Variants in SAMD11 observed in about 807,000 individuals in gnomAD.
SAMD11 encodes the protein sterile alpha motif domain containing 11, also known as sterile alpha motif domain-containing protein 11.
SAMD11 carries 77 observed loss-of-function variants against 64.4 expected under a neutral mutation model. The observed-to-expected ratio is 1.20, with a 90% CI of 0.99 to 1.44. The LOEUF (loss-of-function observed/expected upper bound fraction) is 1.44. SAMD11 is among the 40% of genes most tolerant of loss of function. SAMD11 has a pLI of 0.00. For missense variants in SAMD11, 1,402 were observed against 943.3 expected (o/e 1.49, Z -6.37); for synonymous variants, 658 against 421.9 (o/e 1.56, Z -6.86).
Position 944,563 on chromosome 1 carries a change from T to TA in SAMD11, c.*412dup. 1.6e-6 allele frequency: 1 copy of TA among 636,590 alleles called. No individual in the cohort carries two copies. Among genetic ancestry groups the TA allele is most frequent in the Non-Finnish European group, 2.7e-6 (1 of 374,936 alleles). 39.4% of individuals were successfully genotyped at this position (636,590 alleles called of 1,614,324 possible). ...TTGGTCTTTCATGCTGAAAAATAAA[T>TA]AATAAAGCCTGTCCCGTGTCTACTG... On this transcript the variant is annotated 3_prime_UTR_variant, in exon 14 of 14. Coordinates refer to ENST00000616016, the MANE Select transcript of SAMD11 (RefSeq NM_001385641.1).
Position 939,317 on chromosome 1 carries a change from C to T in SAMD11, c.1100C>T (p.Pro367Leu), listed in dbSNP as rs199789235. The change falls in exon 7 of 14, where the codon CCG (proline) becomes CTG (leucine). Residue 367 changes from proline to leucine, a missense_variant. Pro to Leu is a moderately conservative substitution (Grantham distance 98). Transcript: ENST00000616016. ...CGGGAGCTGGGGCCCAGCATGGCCC[C>T]GGAGGACCATTACCGCCGGCTTGTG... ...LPRELGPSMAPEDHYRRLVSA... is the reference protein window; with the variant it reads ...LPRELGPSMALEDHYRRLVSA... The T allele has an allele frequency of 2.1e-5, 34 of 1,611,186 alleles. No individual in the cohort carries two copies. Among genetic ancestry groups the T allele is most frequent in the African/African-American group, 8.0e-5 (6 of 74,822 alleles).
chr1:931,220 C>A, intron 4 of SAMD11, 131 bp downstream of exon 4: 2 of 879,704 alleles, frequency 2.3e-6, no homozygotes, highest in South Asian at 1.5e-5. Flanking sequence ...GGCTGAGTGT[C>A]TGCCAGGTTT....
chr1:942,074 C>T (rs1641806572), intron 8 of SAMD11, 62 bp from the exon 9 acceptor site: 1 of 495,104 alleles, frequency 2.0e-6, no homozygotes, highest in Non-Finnish European at 3.5e-6. Context: ...GGGGGAGGGG[C>T]GCCGGGGCCT....
At chr1:938,663 C>T (rs990125516) in intron 5 of SAMD11, among the ~76,000 whole-genome samples, 15 of 152,208 alleles carry the variant, frequency 9.9e-5, no homozygotes, top group Non-Finnish European at 2.9e-5. Flanking sequence ...CGCCCTCACT[C>T]CTGTCCAGGA....
Position 942,240 on chromosome 1 carries a change from GC to G in SAMD11, c.1465del (p.Gln489ArgfsTer75). 1 of 1,330,748 alleles carries G rather than the reference GC, an allele frequency of 7.5e-7. No homozygotes were observed. Among genetic ancestry groups the G allele is most frequent in the Non-Finnish European group, 9.8e-7 (1 of 1,025,582 alleles). The allele number at this position is 1,330,748 out of a possible 1,614,324, so 82.4% of individuals were successfully genotyped here. ...TTCCTGGGGGTGCCCTCGGCTCTGT[GC>G]CAGACCCCAGGTGAGGAGGCGGGTG... The part of the protein sequence containing the change: ...PPFLGVPSAL[C>X]QTPGYGFLPP... On this transcript the variant is annotated frameshift_variant, in exon 9 of 14. Transcript: ENST00000616016. LOFTEE classifies it high-confidence loss of function.
Position 944,141 on chromosome 1 carries a change from G to A in SAMD11, c.2523G>A (p.Gln841=), listed in dbSNP as rs1298837149. 13 of 1,572,254 alleles carry A rather than the reference G, an allele frequency of 8.3e-6. No homozygotes were observed. The highest frequency in any genetic ancestry group is 1.8e-5 in the Admixed American group (1 of 55,372). Reference sequence around the variant, plus strand: ...TTCCAGGGGCCCCCGACCCTTCCCAGCCTCTGTGTTGAGGTTGCCGGGGGT... The same window carrying A: ...TTCCAGGGGCCCCCGACCCTTCCCAACCTCTGTGTTGAGGTTGCCGGGGGT... ...ALLPGAPDPS[Q]PLC is the part of the protein sequence containing the mutation. Residue 841 remains glutamine, a synonymous_variant, in exon 14 of 14, where the codon CAG becomes CAA. Coordinates refer to ENST00000616016, the MANE Select transcript of SAMD11 (RefSeq NM_001385641.1).
intron 5 of SAMD11, among the ~76,000 whole-genome samples, chr1:937,236 G>C (rs114890122): frequency 6.6e-6 from 1 of 152,040 alleles, no homozygotes; most frequent in Non-Finnish European, 1.5e-5. Flanking sequence ...TTCCCAGCCC[G>C]GGCCCTCCCG....
At chr1:935,687 C>CA (rs1230330337) in intron 4 of SAMD11, 85 bp from the exon 5 acceptor site, 1 of 1,565,004 alleles carries the variant, frequency 6.4e-7, no homozygotes, top group Non-Finnish European at 8.7e-7. Context: ...CGCTCACACA[C>CA]AGAGCTAGGC....
intron 4 of SAMD11, among the ~76,000 whole-genome samples, chr1:935,430 C>G (rs1005966056): frequency 7.6e-6 from 1 of 131,490 alleles, no homozygotes; most frequent in Non-Finnish European, 1.5e-5. Context: ...CCCGGGCGCC[C>G]GGTGGGCCCC....
At chr1:938,335 T>C (rs1641571204) in intron 5 of SAMD11, among the ~76,000 whole-genome samples, 1 of 152,112 alleles carries the variant, frequency 6.6e-6, no homozygotes, top group African/African-American at 2.4e-5. Context: ...GGGCTAGGGC[T>C]GGGCTGGCCT....
At position 931,052 on chromosome 1, in the gene SAMD11, T is replaced by C. The variant is rs1641144334; in HGVS notation, c.805T>C (p.Trp269Arg). 3 of 1,612,798 alleles carry C rather than the reference T, an allele frequency of 1.9e-6. No individual in the cohort carries two copies. The highest frequency in any genetic ancestry group is 3.3e-5 in the Admixed American group (2 of 59,998). ...CCCTTCCTGCAGAGTCCACACCCAC[T>C]GGGACGTGAACATCTCTTTCCGAGA... Reference protein sequence around the residue: ...RIMKRRVHTHWDVNISFREAS... With the variant: ...RIMKRRVHTHRDVNISFREAS... Residue 269 changes from tryptophan to arginine, a missense_variant, in exon 4 of 14, where the codon TGG (tryptophan) becomes CGG (arginine). Coordinates refer to ENST00000616016, the MANE Select transcript of SAMD11 (RefSeq NM_001385641.1).
intron 7 of SAMD11, 124 bp from the exon 8 acceptor site, chr1:941,020 C>G (rs1641732429): frequency 1.1e-6 from 1 of 878,186 alleles, no homozygotes; most frequent in African/African-American, 1.7e-5. Flanking sequence ...CGAGACCAGC[C>G]CAGGGGCCGA....
rs547529011 is a variant in SAMD11, at chr1:943,988, C to A, written c.2370C>A (p.Ala790=). The A allele has an allele frequency of 3.3e-5, 54 of 1,612,854 alleles. No individual in the cohort carries two copies. The South Asian group carries it at 4.8e-4, about 14-fold the overall frequency. Residue 790 remains alanine, a synonymous_variant, in exon 14 of 14, where the codon GCC becomes GCA. Transcript: ENST00000616016. Reference sequence around the variant, plus strand: ...CACTGCAGCCACCAACCCTGCGGGCCCCGGAGCGAGAACTCGGCACAGGAG... The same window carrying A: ...CACTGCAGCCACCAACCCTGCGGGCACCGGAGCGAGAACTCGGCACAGGAG... ...ALPLQPPTLR[A]PERELGTGEQ... is the part of the protein sequence containing the mutation.
chr1:944,492 G>A lies in SAMD11; in HGVS notation c.*339G>A. The A allele has an allele frequency of 4.6e-6, 3 of 658,190 alleles. No homozygotes were observed. 40.8% of individuals were successfully genotyped at this position (658,190 alleles called of 1,614,324 possible). On this transcript the variant is annotated 3_prime_UTR_variant, in exon 14 of 14. Coordinates refer to ENST00000616016, the MANE Select transcript of SAMD11 (RefSeq NM_001385641.1). ...GACTTCAGCAGCCCACAGCTGTGGG[G>A]CTTCAGCAGCCACACCAGCCCAGCC...
intron 12 of SAMD11, 120 bp from the exon 13 acceptor site, chr1:943,578 C>A: frequency 9.4e-7 from 1 of 1,061,760 alleles, no homozygotes; most frequent in Non-Finnish European, 1.3e-6. Flanking sequence ...ACACTCAAAC[C>A]CAACAGATCA....
chr1:930,784 C>T (rs1641130646), intron 3 of SAMD11, among the ~76,000 whole-genome samples: 1 of 152,230 alleles, frequency 6.6e-6, no homozygotes, highest in South Asian at 2.1e-4. Flanking sequence ...GAAGGGGCCT[C>T]GGTCCTGTTC....
chr1:931,099 G>T lies in SAMD11; in HGVS notation c.842+10G>T. On this transcript the variant is annotated intron_variant, in intron 4 of 13. Transcript: ENST00000616016. ...GAGAGGCGTCCTGCAGGTAGGAGCC[G>T]TGCTGTGCGTGCATAAGAGGGGGCC... 6.2e-7 allele frequency: 1 copy of T among 1,611,154 alleles called. No individual in the cohort carries two copies. Among genetic ancestry groups the T allele is most frequent in the Non-Finnish European group, 8.5e-7 (1 of 1,178,920 alleles).
At position 941,295 on chromosome 1, in the gene SAMD11, C is replaced by T. The variant is rs770271666; in HGVS notation, c.1347C>T (p.Ser449=). 4.4e-6 allele frequency: 7 copies of T among 1,588,466 alleles called. No homozygotes were observed. Among genetic ancestry groups the T allele is most frequent in the Middle Eastern group, 3.6e-4 (2 of 5,528 alleles). ...REGAAPAAAP[S]FSERELPQPP... Reference sequence around the variant, plus strand: ...GCGCCGCCCCAGCTGCCGCCCCGTCCTTCTCGGAGAGGTACTGGGGTGGCT... The same window carrying T: ...GCGCCGCCCCAGCTGCCGCCCCGTCTTTCTCGGAGAGGTACTGGGGTGGCT... The change falls in exon 8 of 14, where the codon TCC becomes TCT. Residue 449 remains serine, a synonymous_variant. Transcript: ENST00000616016.
At chr1:942,375 A>G (rs1641832641) in intron 9 of SAMD11, 35 bp from the exon 10 acceptor site, 1 of 1,255,958 alleles carries the variant, frequency 8.0e-7, no homozygotes, top group Non-Finnish European at 1.1e-6. Context: ...ACCGCCTCGG[A>G]CCCCCCGACC....
Sources: allele counts gnomAD v4.1 joint callset (sites outside exome capture counted in the v4.1 genomes callset), GRCh38; gene constraint gnomAD v4.1.1; transcripts MANE v1.5; gene names NCBI Gene and HGNC (gene_info 2026-07-23, HGNC 2026-07-21).